Variants in CCND2 observed in about 807,000 individuals in gnomAD.
CCND2 encodes G1/S-specific cyclin-D2.
CCND2 carries 6 observed loss-of-function variants against 30.2 expected under a neutral mutation model. The ratio of observed to expected loss-of-function variants is 0.20; its 90% CI spans 0.11 to 0.39. CCND2 has a LOEUF of 0.39. CCND2 is among the 10% of genes least tolerant of loss of function. CCND2 has a pLI of 1.00. For synonymous variants in CCND2, 150 were observed against 153.1 expected (o/e 0.98, Z 0.15); for missense variants, 235 against 373.4 (o/e 0.63, Z 3.06).
intron 3 of CCND2, among the ~76,000 whole-genome samples, chr12:4,280,017 A>C (rs550129530): frequency 1.1e-4 from 17 of 151,588 alleles, no homozygotes; most frequent in African/African-American, 3.9e-4. Flanking sequence ...ACAGTCAAAA[A>C]GTCAGGCTTT....
intron 3 of CCND2, among the ~76,000 whole-genome samples, chr12:4,286,209 T>C (rs913542197): frequency 6.6e-6 from 1 of 152,248 alleles, no homozygotes; most frequent in African/African-American, 2.4e-5. Context: ...TATCCTACTC[T>C]ATTTGGTTAA....
At chr12:4,298,982 C>T (rs770686984) in intron 4 of CCND2, among the ~76,000 whole-genome samples, 7 of 152,126 alleles carry the variant, frequency 4.6e-5, no homozygotes, top group Admixed American at 2.0e-4. Context: ...GCTCAAGGTT[C>T]CAGAATGTTG....
In CCND2 at chr12:4,304,623, G is replaced by A. The variant is rs1864291723; in HGVS notation, c.*4614G>A. 1 of 233,548 alleles carries A rather than the reference G, an allele frequency of 4.3e-6. No homozygotes were observed. The highest frequency in any genetic ancestry group is 2.2e-5 in the African/African-American group (1 of 45,334). The allele number at this position is 233,548 out of a possible 1,614,324, so 14.5% of individuals were successfully genotyped here. Reference sequence around the variant, plus strand: ...TGTGTCTGCTTTTAAACTTGGCTGGGCTATCAGACCCTATTCTCGGCTCAG... The same window carrying A: ...TGTGTCTGCTTTTAAACTTGGCTGGACTATCAGACCCTATTCTCGGCTCAG... On this transcript the variant is annotated 3_prime_UTR_variant, in exon 5 of 5. Transcript: ENST00000261254. The surrounding 1 kb of genome is among the most constrained non-coding windows in gnomAD (Gnocchi z 6.2).
At chr12:4,296,489 C>T (rs12300978) in intron 4 of CCND2, among the ~76,000 whole-genome samples, 1 of 152,286 alleles carries the variant, frequency 6.6e-6, no homozygotes, top group Non-Finnish European at 1.5e-5. Flanking sequence ...TGGTTCAGAG[C>T]TATTGTCTAC....
In CCND2 at chr12:4,293,465, A is replaced by T. The variant is rs1369448545; in HGVS notation, c.720+4475A>T. On this transcript the variant is annotated intron_variant, in intron 4 of 4. Coordinates refer to ENST00000261254, the MANE Select transcript of CCND2 (RefSeq NM_001759.4). The surrounding 1 kb of genome is among the most constrained non-coding windows in gnomAD (Gnocchi z 4.9). Reference sequence around the variant, plus strand: ...TCCATGTGCGGTTTGTTACGTGGATATATCGTGTGATGCTGAGGTTTGGGC... The same window carrying T: ...TCCATGTGCGGTTTGTTACGTGGATTTATCGTGTGATGCTGAGGTTTGGGC... Among the ~76,000 whole-genome samples the T allele has an allele frequency of 6.6e-6, 1 of 152,248 alleles. No homozygotes were observed. The highest frequency in any genetic ancestry group is 1.5e-5 in the Non-Finnish European group (1 of 68,038).
At chr12:4,292,209 C>G (rs1248895789) in intron 4 of CCND2, among the ~76,000 whole-genome samples, 1 of 151,942 alleles carries the variant, frequency 6.6e-6, no homozygotes, top group Non-Finnish European at 1.5e-5. Flanking sequence ...ATGTCTGAAA[C>G]ATTCTCGGGC....
At position 4,304,145 on chromosome 12, in the gene CCND2, A is replaced by AG; in HGVS notation, c.*4139dup. The AG allele has an allele frequency of 4.3e-6, 1 of 233,346 alleles. No homozygotes were observed. The highest frequency in any genetic ancestry group is 8.5e-6 in the Non-Finnish European group (1 of 117,964). The allele number at this position is 233,346 out of a possible 1,614,324, so 14.5% of individuals were successfully genotyped here. ...TTTCTCTCCATGGGCCACAGGGGAC[A>AG]GGGCTGGGAGAAGAAATAGACTTGC... On this transcript the variant is annotated 3_prime_UTR_variant, in exon 5 of 5. Transcript: ENST00000261254. The surrounding 1 kb of genome is among the most constrained non-coding windows in gnomAD (Gnocchi z 6.2).
In CCND2 at chr12:4,302,331, C is replaced by CT. The variant is rs1864261184; in HGVS notation, c.*2324dup. 4.3e-6 allele frequency: 1 copy of CT among 232,982 alleles called. No individual in the cohort carries two copies. The highest frequency in any genetic ancestry group is 5.6e-5 in the Admixed American group (1 of 17,782). The allele number at this position is 232,982 out of a possible 1,614,324, so 14.4% of individuals were successfully genotyped here. Reference sequence around the variant, plus strand: ...GTAGGCTCAGATGTCGTAATTTGCACTTAGGTACCAGGTGTCAGGAAACAG... The same window carrying CT: ...GTAGGCTCAGATGTCGTAATTTGCACTTTAGGTACCAGGTGTCAGGAAACAG... On this transcript the variant is annotated 3_prime_UTR_variant, in exon 5 of 5. Transcript: ENST00000261254.
intron 4 of CCND2, chr12:4,289,276 A>G: frequency 4.4e-6 from 1 of 226,734 alleles, no homozygotes; most frequent in Admixed American, 5.7e-5. Flanking sequence ...GTGGGTCTGA[A>G]TTGTTGCTTC....
chr12:4,295,732 G>A (rs1241185145), intron 4 of CCND2, among the ~76,000 whole-genome samples: 1 of 152,170 alleles, frequency 6.6e-6, no homozygotes. Flanking sequence ...AGCCGAGATC[G>A]CACCATTGCA....
intron 4 of CCND2, among the ~76,000 whole-genome samples, chr12:4,290,355 C>T (rs1864083067): frequency 6.6e-6 from 1 of 152,214 alleles, no homozygotes; most frequent in Non-Finnish European, 1.5e-5. Context: ...GACTCCAGAA[C>T]ACAGACTGAA....
At chr12:4,290,231 C>T (rs1369664943) in intron 4 of CCND2, among the ~76,000 whole-genome samples, 2 of 152,202 alleles carry the variant, frequency 1.3e-5, no homozygotes, top group African/African-American at 4.8e-5. Flanking sequence ...TTGTTCCCAG[C>T]TCAGAGAAAT....
intron 1 of CCND2, 103 bp from the exon 2 acceptor site, chr12:4,275,902 A>AT (rs910989546): frequency 1.0e-4 from 78 of 754,114 alleles, no homozygotes; most frequent in Middle Eastern, 7.5e-4. Flanking sequence ...AAAAAAATTA[A>AT]TTTTTTTTGT....
At chr12:4,289,734 C>T (rs1437869631) in intron 4 of CCND2, among the ~76,000 whole-genome samples, 2 of 152,170 alleles carry the variant, frequency 1.3e-5, no homozygotes, top group Non-Finnish European at 2.9e-5. Context: ...GCAGTCCTAG[C>T]CCGTCCGAGA....
Position 4,285,097 on chromosome 12 carries a change from A to T in CCND2, c.572-3745A>T, listed in dbSNP as rs1205385183. 4.6e-5 allele frequency among the ~76,000 whole-genome samples: 7 copies of T among 152,220 alleles called. No individual in the cohort carries two copies. The highest frequency in any genetic ancestry group is 5.9e-5 in the Non-Finnish European group (4 of 68,036). Reference sequence around the variant, plus strand: ...GTTATCCATATAGTAGTACAGACCTAGCCATTATAGCACACCATCCTCTAC... The same window carrying T: ...GTTATCCATATAGTAGTACAGACCTTGCCATTATAGCACACCATCCTCTAC... On this transcript the variant is annotated intron_variant, in intron 3 of 4. Coordinates refer to ENST00000261254, the MANE Select transcript of CCND2 (RefSeq NM_001759.4). This position sits in a 1 kb window ranked among gnomAD's most constrained non-coding sequence, Gnocchi z 4.1.
In CCND2 at chr12:4,276,149, G is replaced by C; in HGVS notation, c.340G>C (p.Glu114Gln). 1 of 1,614,194 alleles carries C rather than the reference G, an allele frequency of 6.2e-7. No homozygotes were observed. Among genetic ancestry groups the C allele is most frequent in the Non-Finnish European group, 8.5e-7 (1 of 1,180,042 alleles). Residue 114 changes from glutamate to glutamine, a missense_variant, in exon 2 of 5, where the codon GAG (glutamate) becomes CAG (glutamine). Physicochemically the swap from Glu to Gln is conservative, Grantham distance 29. Around this residue, in one of 2 missense-constraint regions of CCND2, gnomAD observed 178 missense variants for 322.8 expected, o/e 0.55. Transcript: ENST00000261254. The surrounding 1 kb of genome is among the most constrained non-coding windows in gnomAD (Gnocchi z 4.8). ...CATGTTCCTGGCCTCCAAACTCAAA[G>C]AGACCAGCCCGCTGACCGCGGAGAA... Reference protein sequence around the residue: ...VCMFLASKLKETSPLTAEKLC... With the variant: ...VCMFLASKLKQTSPLTAEKLC...
intron 3 of CCND2, among the ~76,000 whole-genome samples, chr12:4,288,034 G>A (rs149778122): frequency 2.6e-5 from 4 of 152,142 alleles, no homozygotes; most frequent in African/African-American, 7.2e-5. Context: ...TCATAACATC[G>A]AAACCGAGTC....
At chr12:4,286,820 T>A (rs1006819043) in intron 3 of CCND2, among the ~76,000 whole-genome samples, 1 of 152,190 alleles carries the variant, frequency 6.6e-6, no homozygotes, top group East Asian at 1.9e-4. Flanking sequence ...GAGATGGGCA[T>A]GTGTGAGGTG....
chr12:4,273,812 A>G lies in CCND2; in HGVS notation c.-229A>G. 1 of 590,536 alleles carries G rather than the reference A, an allele frequency of 1.7e-6. No individual in the cohort carries two copies. Among genetic ancestry groups the G allele is most frequent in the Non-Finnish European group, 3.0e-6 (1 of 332,122 alleles). The allele number at this position is 590,536 out of a possible 1,614,324, so 36.6% of individuals were successfully genotyped here. A position where few individuals can be genotyped will look rare whatever the true frequency, so the allele number is the denominator to read the frequency against. On this transcript the variant is annotated 5_prime_UTR_variant, in exon 1 of 5. Coordinates refer to ENST00000261254, the MANE Select transcript of CCND2 (RefSeq NM_001759.4). This position sits in a 1 kb window ranked among gnomAD's most constrained non-coding sequence, Gnocchi z 5.9. ...GAGCGAGACCAGTTTTAAGGGGAGG[A>G]CCGGTGCGAGTGAGGCAGCCCCGAG...
Sources: allele counts gnomAD v4.1 joint callset (sites outside exome capture counted in the v4.1 genomes callset), GRCh38; gene constraint gnomAD v4.1.1; regional missense constraint gnomAD v4.1.1; non-coding constraint Gnocchi (gnomAD v3.1); transcripts MANE v1.5; gene names NCBI Gene and HGNC (gene_info 2026-07-23, HGNC 2026-07-21).